Variants in EFNB2 observed in about 807,000 individuals in gnomAD.
EFNB2 encodes ephrin B2, also known as ephrin-B2.
A neutral mutation model predicts 32.1 loss-of-function variants in EFNB2; 5 were observed. The observed-to-expected ratio is 0.16, with a 90% CI of 0.08 to 0.33. The LOEUF is 0.33. Ranked by LOEUF, EFNB2 falls within the 10% of genes least tolerant of loss-of-function variation. The pLI, the probability that EFNB2 is intolerant of heterozygous loss-of-function variation, is 1.00. For synonymous variants in EFNB2, 168 were observed against 166.5 expected (o/e 1.01, Z -0.07); for missense variants, 263 against 422.6 (o/e 0.62, Z 3.31).
At chr13:106,495,944 T>C (rs1878574051) in intron 2 of EFNB2, 104 bp from the exon 3 acceptor site, 1 of 1,138,208 alleles carries the variant, frequency 8.8e-7, no homozygotes, top group South Asian at 1.5e-5. Flanking sequence ...ATTTGAAAAA[T>C]AAGAATTCAC....
At chr13:106,514,089 G>A (rs1251515329) in intron 1 of EFNB2, among the ~76,000 whole-genome samples, 2 of 152,128 alleles carry the variant, frequency 1.3e-5, no homozygotes, top group African/African-American at 4.8e-5. Context: ...TCTTTATTGG[G>A]AAGAAAAATG....
intron 2 of EFNB2, among the ~76,000 whole-genome samples, chr13:106,505,746 T>C (rs1281697658): frequency 6.6e-6 from 1 of 152,226 alleles, no homozygotes; most frequent in Non-Finnish European, 1.5e-5. Flanking sequence ...CATTGTCCAA[T>C]TATTTATAAA....
In EFNB2 at chr13:106,529,414, C is replaced by T. The variant is rs1053985114; in HGVS notation, c.122+5429G>A. Among the ~76,000 whole-genome samples the T allele has an allele frequency of 2.6e-5, 4 of 152,222 alleles. No homozygotes were observed. In the East Asian group the frequency reaches 5.8e-4, roughly 22 times the overall value. On this transcript the variant is annotated intron_variant, in intron 1 of 4. Coordinates refer to ENST00000646441, the MANE Select transcript of EFNB2 (RefSeq NM_004093.4). ...GCAGTGATCTGAAGTTTTAATCAGC[C>T]CCAATCTCAATCTATAAAAAAGGCA... is the stretch of plus-strand genomic sequence containing the variant.
At chr13:106,522,733 C>T (rs2138935971) in intron 1 of EFNB2, among the ~76,000 whole-genome samples, 1 of 152,202 alleles carries the variant, frequency 6.6e-6, no homozygotes, top group African/African-American at 2.4e-5. Flanking sequence ...AAATGATTCA[C>T]CCATGTATTA....
At chr13:106,498,449 C>G (rs1878663086) in intron 2 of EFNB2, among the ~76,000 whole-genome samples, 1 of 151,976 alleles carries the variant, frequency 6.6e-6, no homozygotes, top group Non-Finnish European at 1.5e-5. Flanking sequence ...AGGTCAGTGC[C>G]TTTTCTGAAT....
intron 1 of EFNB2, among the ~76,000 whole-genome samples, chr13:106,515,853 A>G (rs936855063): frequency 2.0e-5 from 3 of 152,162 alleles, no homozygotes; most frequent in African/African-American, 7.2e-5. Flanking sequence ...CCATGGCAGC[A>G]AACAACAGTA....
intron 2 of EFNB2, among the ~76,000 whole-genome samples, chr13:106,498,283 G>A (rs1474660457): frequency 6.6e-6 from 1 of 152,146 alleles, no homozygotes; most frequent in Non-Finnish European, 1.5e-5. Flanking sequence ...AATTAAATGA[G>A]TATCAGCAAG....
intron 1 of EFNB2, among the ~76,000 whole-genome samples, chr13:106,514,767 T>C (rs184736067): frequency 1.2e-3 from 187 of 152,276 alleles, no homozygotes; most frequent in African/African-American, 4.2e-3. Context: ...GACAGCACTA[T>C]ATAAGGGTTA....
intron 2 of EFNB2, among the ~76,000 whole-genome samples, chr13:106,504,563 A>G (rs1435954101): frequency 1.3e-5 from 2 of 152,190 alleles, no homozygotes; most frequent in East Asian, 3.9e-4. Context: ...ATCCTCTAAG[A>G]ATCCAGAGCA....
In EFNB2 at chr13:106,492,952, C is replaced by A; in HGVS notation, c.*88G>T. ...CCCCGGTGCTGTGCTTCAGTCAATT[C>A]TCCAGCACGCGGGCTCTCAAACCCT... On this transcript the variant is annotated 3_prime_UTR_variant, in exon 5 of 5. Transcript: ENST00000646441. The surrounding 1 kb of genome is among the most constrained non-coding windows in gnomAD (Gnocchi z 5.1). 6.7e-7 allele frequency: 1 copy of A among 1,499,442 alleles called. No homozygotes were observed. The highest frequency in any genetic ancestry group is 1.4e-5 in the African/African-American group (1 of 72,330). 92.9% of individuals were successfully genotyped at this position (1,499,442 alleles called of 1,614,324 possible).
At chr13:106,511,529 G>T (rs1456878025) in intron 2 of EFNB2, among the ~76,000 whole-genome samples, 2 of 152,110 alleles carry the variant, frequency 1.3e-5, no homozygotes, top group African/African-American at 4.8e-5. Context: ...TGAGATGCAA[G>T]AGTTTCAGTT....
At chr13:106,517,845 G>A (rs1393278122) in intron 1 of EFNB2, 1 of 152,180 alleles carries the variant, frequency 6.6e-6, no homozygotes, top group Non-Finnish European at 1.5e-5. Flanking sequence ...ATTGGAATCT[G>A]TTTTTACTCT....
intron 1 of EFNB2, among the ~76,000 whole-genome samples, chr13:106,526,607 G>T (rs1879710484): frequency 6.6e-6 from 1 of 152,046 alleles, no homozygotes; most frequent in Non-Finnish European, 1.5e-5. Flanking sequence ...AGGCCTACGA[G>T]AACTTGCTTT....
chr13:106,495,303 A>G (rs1184134058), intron 3 of EFNB2, among the ~76,000 whole-genome samples: 1 of 152,226 alleles, frequency 6.6e-6, no homozygotes, highest in African/African-American at 2.4e-5. Context: ...TTTTAATTAG[A>G]AGAATAATTA....
In EFNB2 at chr13:106,492,853, A is replaced by T; in HGVS notation, c.*187T>A. 1.4e-6 allele frequency: 1 copy of T among 732,468 alleles called. No homozygotes were observed. The highest frequency in any genetic ancestry group is 2.2e-6 in the Non-Finnish European group (1 of 464,856). The allele number at this position is 732,468 out of a possible 1,614,324, so 45.4% of individuals were successfully genotyped here. On this transcript the variant is annotated 3_prime_UTR_variant, in exon 5 of 5. Coordinates refer to ENST00000646441, the MANE Select transcript of EFNB2 (RefSeq NM_004093.4). The surrounding 1 kb of genome is among the most constrained non-coding windows in gnomAD (Gnocchi z 5.1). ...CAGCTTCCAGGGAGCGTGTGTGTTC[A>T]CCAAGGCCGAATGCTACAAGACTAG...
chr13:106,494,372 G>A (rs1878519515), intron 4 of EFNB2, among the ~76,000 whole-genome samples: 1 of 152,084 alleles, frequency 6.6e-6, no homozygotes, highest in African/African-American at 2.4e-5. Flanking sequence ...CTTTTGTCAG[G>A]GACCTGTTTA....
At chr13:106,498,207 A>G (rs1345653652) in intron 2 of EFNB2, among the ~76,000 whole-genome samples, 1 of 152,212 alleles carries the variant, frequency 6.6e-6, no homozygotes, top group Non-Finnish European at 1.5e-5. Flanking sequence ...GGGGAGGAAT[A>G]CAGATGTATT....
chr13:106,510,977 G>A (rs1054958442), intron 2 of EFNB2, among the ~76,000 whole-genome samples: 3 of 151,978 alleles, frequency 2.0e-5, no homozygotes, highest in East Asian at 3.9e-4. Flanking sequence ...CCAGCCTGAC[G>A]AAAGAGAGAG....
intron 1 of EFNB2, among the ~76,000 whole-genome samples, chr13:106,528,694 T>C (rs988252248): frequency 1.3e-5 from 2 of 152,206 alleles, no homozygotes; most frequent in African/African-American, 4.8e-5. Context: ...ATTGCGGATG[T>C]CACTCTGCAT....
Sources: gnomAD v4.1 joint callset for allele counts (sites outside exome capture counted in the v4.1 genomes callset) on GRCh38, gnomAD v4.1.1 for gene constraint, Gnocchi (gnomAD v3.1) non-coding constraint, MANE v1.5 for transcripts, NCBI Gene and HGNC (gene_info 2026-07-23, HGNC 2026-07-21) for gene names.